The following QKI variants were observed in gnomAD, a reference collection of about 807,000 sequenced individuals.
The protein encoded by QKI is QKI, KH domain containing RNA binding, also known as KH domain-containing RNA-binding protein QKI.
Under a neutral mutation model 39.0 loss-of-function variants are expected in QKI, and 10 were observed. The ratio of observed to expected loss-of-function variants is 0.26; its 90% CI spans 0.16 to 0.43. The LOEUF is 0.43. QKI is among the 20% of genes least tolerant of loss of function. QKI has a pLI of 1.00. For missense variants in QKI, 218 were observed against 428.0 expected (o/e 0.51, Z 4.33); for synonymous variants, 204 against 155.4 (o/e 1.31, Z -2.33).
At chr6:163,460,545 G>C (rs984760775) in intron 2 of QKI, among the ~76,000 whole-genome samples, 2 of 152,114 alleles carry the variant, frequency 1.3e-5, no homozygotes, top group African/African-American at 2.4e-5. Flanking sequence ...GCTCGTCATA[G>C]CTTCTGAGTT....
At chr6:163,439,223 A>G (rs1562434272) in intron 1 of QKI, among the ~76,000 whole-genome samples, 2 of 152,018 alleles carry the variant, frequency 1.3e-5, no homozygotes, top group Admixed American at 6.6e-5. Flanking sequence ...ATAATAGCAG[A>G]TTCTTGAGCA....
rs760496240 is a variant in QKI at position 163,575,711 on chromosome 6, A to C, written c.*5001A>C. On this transcript the variant is annotated 3_prime_UTR_variant, in exon 8 of 8. Coordinates refer to ENST00000361752, the MANE Select transcript of QKI (RefSeq NM_006775.3). The stretch of plus-strand genomic sequence containing the variant: ...CTGGTTATGGTTTTCTAAACACTAC[A>C]TAAGGATCTGAATTTTTTAGTGTGC... 6.6e-6 allele frequency: 1 copy of C among 152,218 alleles called. No individual in the cohort carries two copies. Among genetic ancestry groups the C allele is most frequent in the Non-Finnish European group, 1.5e-5 (1 of 68,040 alleles). 9.4% of individuals were successfully genotyped at this position (152,218 alleles called of 1,614,324 possible).
intron 4 of QKI, among the ~76,000 whole-genome samples, chr6:163,561,228 A>G (rs1782978883): frequency 1.3e-5 from 2 of 152,200 alleles, no homozygotes; most frequent in Admixed American, 6.5e-5. Context: ...TTGTATGTTT[A>G]AAATTATTTG....
chr6:163,555,847 A>G, intron 4 of QKI, among the ~76,000 whole-genome samples: 1 of 152,170 alleles, frequency 6.6e-6, no homozygotes, highest in East Asian at 1.9e-4. Context: ...TTTTAAAAGT[A>G]TATAGATCTA....
rs182310676 is a variant in QKI, at chr6:163,562,626, G to A, written c.634+557G>A. ...GTATCTATGCATGTTTTTATAAGCC[G>A]TAAGAGGATAGCTTTTTTATGTTTA... On this transcript the variant is annotated intron_variant, in intron 5 of 7. Transcript: ENST00000361752. Among the ~76,000 whole-genome samples, 3 of 152,190 alleles carry A rather than the reference G, an allele frequency of 2.0e-5. No individual in the cohort carries two copies. In the East Asian group the frequency reaches 5.8e-4, roughly 29 times the overall value.
rs373262109 is a variant in QKI, at chr6:163,535,113, A to G, written c.534A>G (p.Leu178=). ...LKRAVEEVKK[L]LVPAAEGEDS... ...GAGCAGTTGAAGAAGTGAAGAAATT[A>G]TTGGTACCTGCAGTAAGTAATAATT... is the stretch of plus-strand genomic sequence containing the variant. The change falls in exon 4 of 8, where the codon TTA becomes TTG. Residue 178 remains leucine (L), a synonymous_variant. Coordinates refer to ENST00000361752, the MANE Select transcript of QKI (RefSeq NM_006775.3). 61 of 1,597,576 alleles carry G rather than the reference A, an allele frequency of 3.8e-5. 1 individual carries two copies. Among genetic ancestry groups the G allele is most frequent in the East Asian group, 3.4e-4 (15 of 44,472 alleles).
At chr6:163,568,056 C>G in intron 7 of QKI, 1 of 985,092 alleles carries the variant, frequency 1.0e-6, no homozygotes, top group African/African-American at 1.7e-5. Context: ...CAAAATAGAC[C>G]CCAGCTCCGT....
At chr6:163,428,125 A>G (rs191785261) in intron 1 of QKI, among the ~76,000 whole-genome samples, 2 of 152,372 alleles carry the variant, frequency 1.3e-5, no homozygotes, top group African/African-American at 2.4e-5. Context: ...AGAGTTGCTC[A>G]GGAATGTGAC....
intron 3 of QKI, among the ~76,000 whole-genome samples, chr6:163,533,965 G>A (rs1447484616): frequency 1.3e-5 from 2 of 152,092 alleles, no homozygotes; most frequent in African/African-American, 2.4e-5. Flanking sequence ...TCTTTTACTG[G>A]AATCTAACAA....
intron 1 of QKI, among the ~76,000 whole-genome samples, chr6:163,454,142 C>G (rs2128218950): frequency 6.6e-6 from 1 of 152,244 alleles, no homozygotes; most frequent in African/African-American, 2.4e-5. Flanking sequence ...GATAGAGAGA[C>G]ATTACATCTG....
intron 1 of QKI, among the ~76,000 whole-genome samples, chr6:163,452,084 T>C (rs1438261502): frequency 6.6e-6 from 1 of 152,182 alleles, no homozygotes; most frequent in East Asian, 1.9e-4. Flanking sequence ...ATTGAATAAG[T>C]ATATGAAGCA....
chr6:163,470,559 T>G (rs1159085414), intron 2 of QKI, among the ~76,000 whole-genome samples: 1 of 152,132 alleles, frequency 6.6e-6, no homozygotes, highest in African/African-American at 2.4e-5. Context: ...GGAGACAAGA[T>G]GACATTAACA....
chr6:163,424,469 T>C (rs917901199), intron 1 of QKI, among the ~76,000 whole-genome samples: 2 of 152,178 alleles, frequency 1.3e-5, no homozygotes, highest in African/African-American at 4.8e-5. Flanking sequence ...CGCAATTAAC[T>C]GGTTTGGTGA....
intron 3 of QKI, among the ~76,000 whole-genome samples, chr6:163,525,994 C>G (rs1239717815): frequency 6.6e-6 from 1 of 152,166 alleles, no homozygotes; most frequent in Non-Finnish European, 1.5e-5. Context: ...ACCACACTAA[C>G]TTTATTTTTG....
chr6:163,517,212 G>C (rs1313768043), intron 3 of QKI, among the ~76,000 whole-genome samples: 1 of 152,130 alleles, frequency 6.6e-6, no homozygotes, highest in Non-Finnish European at 1.5e-5. Flanking sequence ...GGAAGATCCA[G>C]AGGGCACTGT....
chr6:163,571,635 G>A lies in QKI; in HGVS notation c.*925G>A, dbSNP rs145774238. ...CATTGAAACAAATGAACAAAAAGTAGATACTTTTACTATACAAGGGTGCTG... is the reference window on the plus strand; with the variant it reads ...CATTGAAACAAATGAACAAAAAGTAAATACTTTTACTATACAAGGGTGCTG... On this transcript the variant is annotated 3_prime_UTR_variant, in exon 8 of 8. Coordinates refer to ENST00000361752, the MANE Select transcript of QKI (RefSeq NM_006775.3). The A allele has an allele frequency of 1.8e-3, 269 of 150,962 alleles. No individual in the cohort carries two copies. The highest frequency in any genetic ancestry group is 6.3e-3 in the African/African-American group (260 of 41,180). The allele number at this position is 150,962 out of a possible 1,614,324, so 9.4% of individuals were successfully genotyped here.
At chr6:163,501,592 TCTGA>T (rs1200218535) in intron 3 of QKI, among the ~76,000 whole-genome samples, 4 of 152,200 alleles carry the variant, frequency 2.6e-5, no homozygotes, top group Admixed American at 6.5e-5. Flanking sequence ...ATTATAGGTG[TCTGA>T]CTGAGCAGTA....
chr6:163,415,394 C>T (rs1787360999), intron 1 of QKI, 59 bp downstream of exon 1: 5 of 1,363,972 alleles, frequency 3.7e-6, no homozygotes, highest in Non-Finnish European at 4.9e-6. Context: ...CCCCTTTCCC[C>T]GCTTGGGATG....
At chr6:163,520,255 T>C (rs1175135793) in intron 3 of QKI, among the ~76,000 whole-genome samples, 1 of 152,186 alleles carries the variant, frequency 6.6e-6, no homozygotes, top group Non-Finnish European at 1.5e-5. Flanking sequence ...CTGATGTAGT[T>C]GAATTCTTAG....
Sources: gnomAD v4.1 joint callset for allele counts (sites outside exome capture counted in the v4.1 genomes callset) on GRCh38, gnomAD v4.1.1 for gene constraint, MANE v1.5 for transcripts, NCBI Gene and HGNC (gene_info 2026-07-23, HGNC 2026-07-21) for gene names.